SERPINB8: variants seen among roughly 807,000 people sequenced by gnomAD.
SERPINB8 encodes the protein serpin B8.
Under a neutral mutation model 35.3 loss-of-function variants are expected in SERPINB8, and 25 were observed. The ratio of observed to expected loss-of-function variants is 0.71; its 90% CI spans 0.52 to 0.99. The LOEUF (loss-of-function observed/expected upper bound fraction) is 0.99. Among genes scored for constraint, SERPINB8 ranks in the 50% least tolerant of loss-of-function variants. SERPINB8 has a pLI of 0.00. For missense variants in SERPINB8, 484 were observed against 446.5 expected, an observed-to-expected ratio of 1.08 and a Z score of -0.76; for synonymous variants, 186 against 160.8, an observed-to-expected ratio of 1.16 and a Z score of -1.19.
At chr18:63,992,046 T>G (rs1210154467), downstream of SERPINB8, among the ~76,000 whole-genome samples, 1 of 152,218 alleles carries the variant, frequency 6.6e-6, no homozygotes, top group Non-Finnish European at 1.5e-5. Context: ...GTTAAAATAT[T>G]TTTAGAATTG....
Position 63,985,240 on chromosome 18 carries a change from G to T in SERPINB8, c.715G>T (p.Ala239Ser), listed in dbSNP as rs983037446. 1.2e-6 allele frequency: 2 copies of T among 1,613,946 alleles called. No individual in the cohort carries two copies. Among genetic ancestry groups the T allele is most frequent in the African/African-American group, 1.3e-5 (1 of 74,904 alleles). ...ILLPDDNTDL[A>S]VVEKALTYEK... ...GCTTCCCGATGACAACACGGACCTC[G>T]CCGTGGTAAGCTCCAGGCAATGAGC... Residue 239 changes from alanine to serine, a missense_variant, in exon 6 of 7, where the codon GCC becomes TCC. By Grantham distance (99) the Ala-to-Ser change is moderately conservative. Coordinates refer to ENST00000397985, the MANE Select transcript of SERPINB8 (RefSeq NM_002640.4).
intron 1 of SERPINB8, among the ~76,000 whole-genome samples, chr18:63,971,549 G>A (rs2050481145): frequency 6.6e-6 from 1 of 152,164 alleles, no homozygotes; most frequent in South Asian, 2.1e-4. Flanking sequence ...TCGGGACTGG[G>A]CCCTCCTGTG....
chr18:64,018,245 T>C (rs1263044043), intron 7 of SERPINB8, among the ~76,000 whole-genome samples: 1 of 152,236 alleles, frequency 6.6e-6, no homozygotes, highest in South Asian at 2.1e-4. Context: ...ACTTTAGGTT[T>C]ATTTCAGAAG....
chr18:63,987,522 T>C lies in SERPINB8; in HGVS notation c.*244T>C. 4 of 495,844 alleles carry C rather than the reference T, an allele frequency of 8.1e-6. No homozygotes were observed. The highest frequency in any genetic ancestry group is 1.4e-5 in the Non-Finnish European group (4 of 279,920). 30.7% of individuals were successfully genotyped at this position (495,844 alleles called of 1,614,324 possible). On this transcript the variant is annotated 3_prime_UTR_variant, in exon 7 of 7. Transcript: ENST00000397985. The stretch of plus-strand genomic sequence containing the variant: ...AGTGTTTGGGGTGCCTGCCATTGCC[T>C]CTGCCTTCACCTAAGTCTGTGCCCA...
intron 1 of SERPINB8, among the ~76,000 whole-genome samples, chr18:63,995,872 C>T (rs925530958): frequency 6.6e-5 from 10 of 152,160 alleles, no homozygotes; most frequent in African/African-American, 2.4e-4. Flanking sequence ...GTCTCAAATC[C>T]ATCTCCCTGA....
chr18:63,987,202 A>G lies in SERPINB8; in HGVS notation c.1049A>G (p.Asp350Gly), dbSNP rs1360127216. 6.8e-6 allele frequency: 11 copies of G among 1,613,954 alleles called. No individual in the cohort carries two copies. The highest frequency in any genetic ancestry group is 1.3e-5 in the African/African-American group (1 of 74,870). ...CSRMEPRFCA[D>G]HPFLFFIRHH... ...AGAATGGAGCCAAGATTCTGTGCAG[A>G]CCACCCTTTTCTTTTCTTCATCAGG... is the stretch of plus-strand genomic sequence containing the variant. Residue 350 changes from aspartate (D) to glycine (G), a missense_variant, in exon 7 of 7, where the codon GAC becomes GGC. Asp to Gly is a moderately conservative substitution (Grantham distance 94). Transcript: ENST00000397985.
chr18:64,002,396 G>A (rs1018723377), intron 1 of SERPINB8, among the ~76,000 whole-genome samples: 3 of 152,108 alleles, frequency 2.0e-5, no homozygotes, highest in African/African-American at 7.2e-5. Flanking sequence ...TGAAATAGGA[G>A]TCCGCCACCC....
rs748662875 is a variant in SERPINB8 at position 63,985,078 on chromosome 18, T to C, written c.568-15T>C. ...TACCCACTTTTCAGTAATCGAACTTTAATTTTTCCGTTAGGAAAAAAAGAC... is the reference window on the plus strand; with the variant it reads ...TACCCACTTTTCAGTAATCGAACTTCAATTTTTCCGTTAGGAAAAAAAGAC... On this transcript the variant is annotated splice_polypyrimidine_tract_variant and intron_variant, in intron 5 of 6. Transcript: ENST00000397985. The C allele has an allele frequency of 1.9e-6, 3 of 1,612,714 alleles. No individual in the cohort carries two copies. The highest frequency in any genetic ancestry group is 2.5e-6 in the Non-Finnish European group (3 of 1,179,018).
chr18:64,014,990 C>T (rs541131364), intron 7 of SERPINB8, among the ~76,000 whole-genome samples: 2 of 152,042 alleles, frequency 1.3e-5, no homozygotes, highest in South Asian at 2.1e-4. Context: ...TATCTTTTCT[C>T]CTATCTATAA....
At chr18:63,986,832 A>G in intron 6 of SERPINB8, 42 bp from the exon 7 acceptor site, 5 of 1,545,990 alleles carry the variant, frequency 3.2e-6, no homozygotes, top group South Asian at 1.3e-5. Flanking sequence ...GTATCAGGCT[A>G]TTGTCATCTA....
At chr18:63,970,432 G>C (rs1386517034) in intron 1 of SERPINB8, 1 of 162,874 alleles carries the variant, frequency 6.1e-6, no homozygotes, top group Non-Finnish European at 1.3e-5. Context: ...GCCGAGGGCC[G>C]GGTCCCGAGA....
chr18:64,013,012 G>T (rs1418168159), intron 7 of SERPINB8, among the ~76,000 whole-genome samples: 1 of 152,082 alleles, frequency 6.6e-6, no homozygotes, highest in Admixed American at 6.5e-5. Flanking sequence ...TCTACTATTG[G>T]GCTCTATCAG....
chr18:63,990,309 C>T (rs917915086), downstream of SERPINB8, among the ~76,000 whole-genome samples: 1 of 152,054 alleles, frequency 6.6e-6, no homozygotes, highest in Non-Finnish European at 1.5e-5. Context: ...CTCCTGACCT[C>T]AGGTCATCTG....
chr18:63,978,438 A>T lies in SERPINB8; in HGVS notation c.130A>T (p.Met44Leu), dbSNP rs567770868. ...SISSALAMVF[M>L]GAKGSTAAQM... ...CTCCTCTGCCCTGGCCATGGTCTTC[A>T]TGGGGGCAAAGGGAAGCACTGCAGC... Residue 44 changes from methionine (M) to leucine (L), a missense_variant, in exon 2 of 7, where the codon ATG becomes TTG. By Grantham distance (15) the Met-to-Leu change is conservative. Coordinates refer to ENST00000397985, the MANE Select transcript of SERPINB8 (RefSeq NM_002640.4). 1 of 1,614,064 alleles carries T rather than the reference A, an allele frequency of 6.2e-7. No homozygotes were observed. The highest frequency in any genetic ancestry group is 1.3e-5 in the African/African-American group (1 of 74,926).
At chr18:63,978,248 C>A (rs2050613221) in intron 1 of SERPINB8, 51 bp from the exon 2 acceptor site, 1 of 1,584,366 alleles carries the variant, frequency 6.3e-7, no homozygotes, top group African/African-American at 1.3e-5. Context: ...GACTGCGTGG[C>A]TACCGGAGTC....
chr18:63,988,655 G>A lies in SERPINB8; in HGVS notation c.*1377G>A, dbSNP rs1228253818. ...CTTTAATGAGTTGGACTGAACAGTG[G>A]TTAATCCTGACTCTGTTTTTGACTG... On this transcript the variant is annotated 3_prime_UTR_variant, in exon 7 of 7. Coordinates refer to ENST00000397985, the MANE Select transcript of SERPINB8 (RefSeq NM_002640.4). 6.6e-6 allele frequency: 1 copy of A among 152,168 alleles called. No homozygotes were observed. The highest frequency in any genetic ancestry group is 1.5e-5 in the Non-Finnish European group (1 of 68,038). 9.4% of individuals were successfully genotyped at this position (152,168 alleles called of 1,614,324 possible).
chr18:64,009,814 C>G (rs10048273), downstream of SERPINB8, among the ~76,000 whole-genome samples: 1 of 151,900 alleles, frequency 6.6e-6, no homozygotes, highest in African/African-American at 2.4e-5. Context: ...AATAAGTTAA[C>G]TGTTGAAAAA....
chr18:64,014,966 C>T (rs2050942875), intron 7 of SERPINB8, among the ~76,000 whole-genome samples: 1 of 152,014 alleles, frequency 6.6e-6, no homozygotes, highest in Admixed American at 6.6e-5. Flanking sequence ...TAAATTTTAC[C>T]TTTTGGGCCT....
At chr18:64,010,690 G>A (rs1413844697) in intron 7 of SERPINB8, among the ~76,000 whole-genome samples, 1 of 151,940 alleles carries the variant, frequency 6.6e-6, no homozygotes, top group Non-Finnish European at 1.5e-5. Context: ...ATCATGCAGA[G>A]CAAAAATAGC....
Sources: allele counts gnomAD v4.1 joint callset (sites outside exome capture counted in the v4.1 genomes callset), GRCh38; gene constraint gnomAD v4.1.1; transcripts MANE v1.5; gene names NCBI Gene and HGNC (gene_info 2026-07-23, HGNC 2026-07-21).